Variants in ACSL3 observed in about 807,000 individuals in gnomAD.
ACSL3 encodes acyl-CoA synthetase long chain family member 3, also known as fatty acid CoA ligase Acsl3.
ACSL3 carries 34 observed loss-of-function variants against 84.7 expected under a neutral mutation model. That is an observed-to-expected ratio of 0.40 (90% confidence interval 0.31 to 0.53). The LOEUF is 0.53. Among genes scored for constraint, ACSL3 ranks in the 20% least tolerant of loss-of-function variants. The pLI is 0.48. For synonymous variants in ACSL3, 315 were observed against 299.4 expected (o/e 1.05, Z -0.54); for missense variants, 680 against 873.1 (o/e 0.78, Z 2.79).
intron 10 of ACSL3, 80 bp from the exon 11 acceptor site, chr2:222,924,376 G>GAA (rs1263423660): frequency 1.6e-6 from 2 of 1,266,508 alleles, no homozygotes; most frequent in African/African-American, 3.1e-5. Flanking sequence ...AATATTGCTA[G>GAA]AAATGTTAAT....
chr2:222,888,697 C>T (rs1036398562), intron 2 of ACSL3, among the ~76,000 whole-genome samples: 3 of 152,118 alleles, frequency 2.0e-5, no homozygotes, highest in Non-Finnish European at 4.4e-5. Flanking sequence ...TCTAAGTAAA[C>T]AGGAAACTCC....
intron 3 of ACSL3, among the ~76,000 whole-genome samples, chr2:222,907,346 A>C (rs1696319456): frequency 6.6e-6 from 1 of 152,222 alleles, no homozygotes; most frequent in Non-Finnish European, 1.5e-5. Flanking sequence ...TTTCTGCAAC[A>C]CAGAGCTAGG....
rs556666430 is a variant in ACSL3, at chr2:222,869,420, TC to T, written c.-207+8165del. Among the ~76,000 whole-genome samples the T allele has an allele frequency of 3.6e-3, 541 of 152,330 alleles. 2 individuals are homozygous for T. The highest frequency in any genetic ancestry group is 0.013 in the African/African-American group (521 of 41,564). On this transcript the variant is annotated intron_variant, in intron 1 of 16. Transcript: ENST00000357430. ...TATGTATATTCTTTCTTCCTCTTTA[TC>T]CCTTCTCTGCCCTTCACAAGTAGTT...
At chr2:222,882,983 G>T (rs1695628824) in intron 1 of ACSL3, among the ~76,000 whole-genome samples, 1 of 95,200 alleles carries the variant, frequency 1.1e-5, no homozygotes, top group Non-Finnish European at 2.2e-5. Flanking sequence ...TAGCCAGGAT[G>T]GGCTCGAATC....
intron 4 of ACSL3, among the ~76,000 whole-genome samples, chr2:222,910,066 A>G (rs375532505): frequency 6.6e-6 from 1 of 152,214 alleles, no homozygotes; most frequent in African/African-American, 2.4e-5. Flanking sequence ...TATATCTGCA[A>G]TGTGCTTAGA....
intron 1 of ACSL3, 94 bp downstream of exon 1, chr2:222,861,352 C>T (rs1026892982): frequency 6.6e-6 from 1 of 151,740 alleles, no homozygotes; most frequent in African/African-American, 2.4e-5. Context: ...TCCCCAGCCT[C>T]GGGGCCTGGG....
chr2:222,886,493 TTAAG>T (rs1343475527), intron 1 of ACSL3, among the ~76,000 whole-genome samples: 8 of 152,226 alleles, frequency 5.3e-5, no homozygotes, highest in African/African-American at 1.9e-4. Context: ...GTATGTTGAA[TTAAG>T]TGATTCAAAA....
At chr2:222,908,652 A>G in intron 3 of ACSL3, 81 bp from the exon 4 acceptor site, 1 of 987,778 alleles carries the variant, frequency 1.0e-6, no homozygotes, top group Non-Finnish European at 1.5e-6. Flanking sequence ...AAAAAAAAAA[A>G]TCTTCATTTG....
intron 16 of ACSL3, among the ~76,000 whole-genome samples, chr2:222,939,564 G>C (rs1697253479): frequency 6.6e-6 from 1 of 152,136 alleles, no homozygotes; most frequent in African/African-American, 2.4e-5. Context: ...AAAGACAGAA[G>C]CAAGTTTCTT....
chr2:222,924,485 C>T lies in ACSL3; in HGVS notation c.1182C>T (p.Val394=). ...PEIMDRIYKN[V]MNKVSEMSSF... The stretch of plus-strand genomic sequence containing the variant: ...TCATGGATCGGATCTACAAAAATGT[C>T]ATGAATAAAGTCAGTGAAATGAGTA... The change falls in exon 11 of 17, where the codon GTC becomes GTT. Residue 394 remains valine (V), a synonymous_variant. Transcript: ENST00000357430. The T allele has an allele frequency of 1.9e-6, 3 of 1,606,788 alleles. No homozygotes were observed. Among genetic ancestry groups the T allele is most frequent in the Non-Finnish European group, 2.5e-6 (3 of 1,177,350 alleles).
intron 1 of ACSL3, among the ~76,000 whole-genome samples, chr2:222,864,037 CAG>C (rs1228809053): frequency 6.6e-6 from 1 of 151,272 alleles, no homozygotes; most frequent in East Asian, 1.9e-4. Flanking sequence ...ATATGATAAA[CAG>C]AAATACTGAG....
At chr2:222,916,106 AAT>A (rs896939681) in intron 4 of ACSL3, among the ~76,000 whole-genome samples, 127 of 152,292 alleles carry the variant, frequency 8.3e-4, no homozygotes, top group African/African-American at 3.0e-3. Context: ...CCCCAGTTAC[AAT>A]ATAAGATTTG....
intron 4 of ACSL3, among the ~76,000 whole-genome samples, chr2:222,912,204 G>C (rs1696460989): frequency 1.3e-5 from 2 of 152,242 alleles, no homozygotes; most frequent in Admixed American, 1.3e-4. Flanking sequence ...CAGTGTCGCT[G>C]GTTAGCTGAG....
At chr2:222,932,433 A>G (rs1040228233) in intron 14 of ACSL3, among the ~76,000 whole-genome samples, 5 of 152,088 alleles carry the variant, frequency 3.3e-5, no homozygotes, top group African/African-American at 7.2e-5. Flanking sequence ...GGTTCACGCA[A>G]TTCTCCTGCC....
At chr2:222,879,395 T>G (rs1382457370) in intron 1 of ACSL3, among the ~76,000 whole-genome samples, 1 of 151,094 alleles carries the variant, frequency 6.6e-6, no homozygotes. Flanking sequence ...TACAACATTT[T>G]CATTGCTAAC....
chr2:222,921,092 T>C (rs1375776988), intron 7 of ACSL3, 188 bp from the exon 8 acceptor site: 3 of 709,974 alleles, frequency 4.2e-6, no homozygotes, highest in Non-Finnish European at 7.7e-6. Context: ...TATATCTCAA[T>C]AGAATATATC....
intron 1 of ACSL3, among the ~76,000 whole-genome samples, chr2:222,862,692 C>T (rs1559271309): frequency 7.5e-6 from 1 of 133,268 alleles, no homozygotes; most frequent in Non-Finnish European, 1.6e-5. Flanking sequence ...TAGACTTTTC[C>T]TGGTTTCTCT....
intron 11 of ACSL3, among the ~76,000 whole-genome samples, chr2:222,926,428 C>T (rs1051593676): frequency 1.3e-5 from 2 of 152,042 alleles, no homozygotes; most frequent in East Asian, 1.9e-4. Flanking sequence ...TACTACCTCT[C>T]CTTTTTGATC....
chr2:222,873,804 A>C (rs1695370208), intron 1 of ACSL3, among the ~76,000 whole-genome samples: 1 of 152,224 alleles, frequency 6.6e-6, no homozygotes, highest in African/African-American at 2.4e-5. Context: ...GCATATTTTC[A>C]TTACCCATTA....
Sources: allele counts gnomAD v4.1 joint callset (sites outside exome capture counted in the v4.1 genomes callset), GRCh38; gene constraint gnomAD v4.1.1; transcripts MANE v1.5; gene names NCBI Gene and HGNC (gene_info 2026-07-23, HGNC 2026-07-21).